The following MICU1 variants were observed in gnomAD, a reference collection of about 807,000 sequenced individuals.
MICU1 encodes mitochondrial calcium uptake 1, also known as calcium uptake protein 1, mitochondrial.
A neutral mutation model predicts 56.8 loss-of-function variants in MICU1; 45 were observed. That is an observed-to-expected ratio of 0.79 (90% CI 0.62 to 1.02). MICU1 has a LOEUF of 1.02. Ranked by LOEUF, MICU1 falls within the 50% of genes least tolerant of loss-of-function variation. The probability of loss-of-function intolerance (pLI) is 0.00; values close to 1 mark genes in which losing one functional copy is unlikely to be tolerated. For missense variants in MICU1, 504 were observed against 587.1 expected (o/e 0.86, Z 1.46); for synonymous variants, 186 against 195.1 (o/e 0.95, Z 0.39).
Position 72,555,033 on chromosome 10 carries a change from C to CA in MICU1, c.331-3693dup, listed in dbSNP as rs543307171. ...CTATCTCAAAACAAAACAAAACATA[C>CA]AAAAAAACCCAAAACAAACAAACAA... On this transcript the variant is annotated intron_variant, in intron 3 of 11. Coordinates refer to ENST00000361114, the MANE Select transcript of MICU1 (RefSeq NM_001195518.2). 1.9e-4 allele frequency among the ~76,000 whole-genome samples: 29 copies of CA among 151,814 alleles called. 1 individual carries two copies. In the East Asian group the frequency reaches 5.2e-3, roughly 27 times the overall value.
chr10:72,469,949 A>G (rs1865900360), intron 8 of MICU1, among the ~76,000 whole-genome samples: 1 of 152,152 alleles, frequency 6.6e-6, no homozygotes. Flanking sequence ...GTTGGATTAG[A>G]GCCCACTCTT....
chr10:72,571,975 T>A (rs1840621483), intron 1 of MICU1, among the ~76,000 whole-genome samples: 3 of 143,528 alleles, frequency 2.1e-5, no homozygotes, highest in African/African-American at 8.0e-5. Context: ...AAAGGAGAAA[T>A]AAATTAAAAC....
At chr10:72,455,350 C>CAAAA (rs56378605) in intron 8 of MICU1, among the ~76,000 whole-genome samples, 13 of 44,194 alleles carry the variant, frequency 2.9e-4, no homozygotes, top group East Asian at 1.3e-3. Flanking sequence ...GACTCTGTCT[C>CAAAA]AAAAAAAAAA....
chr10:72,432,937 ATCT>A (rs745994391), intron 8 of MICU1, among the ~76,000 whole-genome samples: 29 of 152,142 alleles, frequency 1.9e-4, no homozygotes, highest in Non-Finnish European at 2.5e-4. Flanking sequence ...AAATGCGTGG[ATCT>A]TCTTCTTCCT....
intron 1 of MICU1, among the ~76,000 whole-genome samples, chr10:72,615,372 C>T (rs1841951744): frequency 6.6e-6 from 1 of 152,202 alleles, no homozygotes; most frequent in Non-Finnish European, 1.5e-5. Context: ...CCCGCCTTGG[C>T]CTCCCAAAGT....
intron 5 of MICU1, among the ~76,000 whole-genome samples, chr10:72,519,602 T>C (rs893757656): frequency 6.6e-6 from 1 of 152,138 alleles, no homozygotes; most frequent in Non-Finnish European, 1.5e-5. Context: ...ATAAAATACA[T>C]GGTTAAAGTT....
At chr10:72,429,084 T>C (rs558607583) in intron 8 of MICU1, among the ~76,000 whole-genome samples, 2 of 152,234 alleles carry the variant, frequency 1.3e-5, no homozygotes, top group South Asian at 4.1e-4. Context: ...AATGGGATAA[T>C]ATATGTAAAG....
chr10:72,579,776 T>C (rs1357266746), intron 1 of MICU1, among the ~76,000 whole-genome samples: 1 of 152,194 alleles, frequency 6.6e-6, no homozygotes, highest in Non-Finnish European at 1.5e-5. Context: ...TGGCTCAGTG[T>C]ATATAAACTT....
At chr10:72,494,427 G>A (rs1866768583) in intron 6 of MICU1, among the ~76,000 whole-genome samples, 1 of 150,924 alleles carries the variant, frequency 6.6e-6, no homozygotes, top group African/African-American at 2.4e-5. Flanking sequence ...ACTTAGAAAT[G>A]TAATGTATAT....
At chr10:72,527,361 G>GT (rs140772337) in intron 5 of MICU1, among the ~76,000 whole-genome samples, 5,571 of 150,244 alleles carry the variant, frequency 0.037, 314 homozygotes, top group African/African-American at 0.13. Flanking sequence ...TTTTTCTTTT[G>GT]TTTTTGTTTT....
chr10:72,516,969 T>C (rs1314411522), intron 5 of MICU1, among the ~76,000 whole-genome samples: 1 of 152,194 alleles, frequency 6.6e-6, no homozygotes, highest in Non-Finnish European at 1.5e-5. Context: ...TATGTATCTA[T>C]TTACCAACTC....
intron 5 of MICU1, among the ~76,000 whole-genome samples, chr10:72,520,662 CA>C (rs1867791059): frequency 1.3e-5 from 2 of 152,074 alleles, no homozygotes; most frequent in Non-Finnish European, 2.9e-5. Context: ...ACCTGGAATG[CA>C]AAGGTTTTCT....
intron 5 of MICU1, among the ~76,000 whole-genome samples, chr10:72,518,313 C>T (rs1418258772): frequency 3.3e-5 from 5 of 151,892 alleles, no homozygotes; most frequent in East Asian, 3.9e-4. Context: ...GGATTACAGG[C>T]GTGAGCCACT....
At chr10:72,595,753 A>G (rs988155056) in intron 1 of MICU1, among the ~76,000 whole-genome samples, 4 of 152,068 alleles carry the variant, frequency 2.6e-5, no homozygotes, top group Non-Finnish European at 4.4e-5. Flanking sequence ...AAGATATCTC[A>G]ATTTCTAGAA....
At chr10:72,533,258 A>G (rs977162833) in intron 5 of MICU1, 1 of 652,404 alleles carries the variant, frequency 1.5e-6, no homozygotes, top group Admixed American at 3.7e-5. Context: ...TTATTTATTC[A>G]GGTATAAATA....
chr10:72,497,017 TCCCTTTGTGTA>T (rs1300433127), intron 6 of MICU1, among the ~76,000 whole-genome samples: 1 of 152,148 alleles, frequency 6.6e-6, no homozygotes, highest in Admixed American at 6.5e-5. Context: ...CTGCCTTGAT[TCCCTTTGTGTA>T]CCCTTTAAAT....
intron 1 of MICU1, among the ~76,000 whole-genome samples, chr10:72,581,616 A>G (rs1167969994): frequency 1.3e-5 from 2 of 152,132 alleles, no homozygotes; most frequent in African/African-American, 2.4e-5. Context: ...TGACAGAGCA[A>G]GACTGTCAAT....
chr10:72,475,924 G>C (rs980261620), intron 7 of MICU1: 1 of 456,088 alleles, frequency 2.2e-6, no homozygotes, highest in African/African-American at 2.0e-5. Context: ...ATTTGTTTTG[G>C]AGACTCAAAA....
intron 6 of MICU1, among the ~76,000 whole-genome samples, chr10:72,500,267 T>C (rs1349435383): frequency 3.9e-4 from 5 of 12,754 alleles, no homozygotes; most frequent in Non-Finnish European, 8.6e-4. Flanking sequence ...CATACATATA[T>C]ATATATATAT....
Sources: gnomAD v4.1 joint callset for allele counts (sites outside exome capture counted in the v4.1 genomes callset) on GRCh38, gnomAD v4.1.1 for gene constraint, MANE v1.5 for transcripts, NCBI Gene and HGNC (gene_info 2026-07-23, HGNC 2026-07-21) for gene names.